Variants in ESRRG observed in about 807,000 individuals in gnomAD.
The protein encoded by ESRRG is estrogen-related receptor gamma.
A neutral mutation model predicts 44.0 loss-of-function variants in ESRRG; 13 were observed. The ratio of observed to expected loss-of-function variants is 0.30; its 90% CI spans 0.19 to 0.47. ESRRG has a LOEUF of 0.47. Ranked by LOEUF, ESRRG falls within the 20% of genes least tolerant of loss-of-function variation. The pLI, the probability that ESRRG is intolerant of heterozygous loss-of-function variation, is 1.00. For synonymous variants in ESRRG, 215 were observed against 214.6 expected (o/e 1.00, Z -0.02); for missense variants, 395 against 580.6 (o/e 0.68, Z 3.29).
chr1:217,017,397 T>C (rs142783410), intron 1 of ESRRG, among the ~76,000 whole-genome samples: 70 of 148,510 alleles, frequency 4.7e-4, no homozygotes, highest in African/African-American at 1.7e-3. Context: ...CAGGATCATA[T>C]CTGAGTCACA....
intron 2 of ESRRG, among the ~76,000 whole-genome samples, chr1:216,821,871 AGT>A (rs1183347566): frequency 6.6e-6 from 1 of 151,976 alleles, no homozygotes; most frequent in East Asian, 1.9e-4. Context: ...ATTATAGTGC[AGT>A]GTCACACAAC....
At chr1:216,684,045 A>G (rs10779276) in intron 1 of ESRRG, among the ~76,000 whole-genome samples, 33,158 of 152,094 alleles carry the variant, frequency 0.22, 3,823 homozygotes, top group Middle Eastern at 0.28. Context: ...AATATGGCAA[A>G]AGAAATGCAC....
chr1:216,654,250 G>C (rs2069820730), intron 2 of ESRRG, among the ~76,000 whole-genome samples: 1 of 152,070 alleles, frequency 6.6e-6, no homozygotes, highest in Non-Finnish European at 1.5e-5. Flanking sequence ...ATAATGCAGT[G>C]TCACAGGATC....
intron 1 of ESRRG, among the ~76,000 whole-genome samples, chr1:217,108,374 A>G (rs1457576476): frequency 6.6e-6 from 1 of 152,140 alleles, no homozygotes; most frequent in Non-Finnish European, 1.5e-5. Context: ...GCTTTGCTGC[A>G]TACTTGTGGG....
chr1:216,575,348 A>G (rs1469757258), intron 3 of ESRRG, among the ~76,000 whole-genome samples: 1 of 152,096 alleles, frequency 6.6e-6, no homozygotes, highest in Non-Finnish European at 1.5e-5. Flanking sequence ...AATATGGTTC[A>G]TTATTTAGCC....
At chr1:216,719,573 T>G (rs1238442977) in intron 1 of ESRRG, among the ~76,000 whole-genome samples, 1 of 152,080 alleles carries the variant, frequency 6.6e-6, no homozygotes, top group Non-Finnish European at 1.5e-5. Flanking sequence ...CTCCTGCTTC[T>G]ATTAGCATTT....
intron 2 of ESRRG, among the ~76,000 whole-genome samples, chr1:216,782,947 C>T (rs2147919559): frequency 6.6e-6 from 1 of 152,112 alleles, no homozygotes; most frequent in Non-Finnish European, 1.5e-5. Flanking sequence ...ATACTGTTCT[C>T]CTTCTCTTAA....
intron 2 of ESRRG, among the ~76,000 whole-genome samples, chr1:216,912,263 G>GGA (rs2060555516): frequency 2.0e-5 from 1 of 51,262 alleles, no homozygotes; most frequent in Non-Finnish European, 4.7e-5. Context: ...GAGGAGAGGA[G>GGA]AGGGGAGGGG....
chr1:216,760,150 AG>A, intron 2 of ESRRG, among the ~76,000 whole-genome samples: 1 of 152,126 alleles, frequency 6.6e-6, no homozygotes, highest in African/African-American at 2.4e-5. Context: ...CCCCAGCGCA[AG>A]GGACCATGCC....
chr1:216,755,158 T>C (rs1282832558), intron 2 of ESRRG, among the ~76,000 whole-genome samples: 2 of 152,076 alleles, frequency 1.3e-5, no homozygotes, highest in East Asian at 3.9e-4. Flanking sequence ...GAATAAGATA[T>C]TTTAAATAAA....
intron 5 of ESRRG, among the ~76,000 whole-genome samples, chr1:216,542,065 T>C (rs1572621686): frequency 7.5e-6 from 1 of 133,582 alleles, no homozygotes; most frequent in African/African-American, 2.9e-5. Context: ...AAGGTGTGTG[T>C]CTATGACAGA....
intron 2 of ESRRG, among the ~76,000 whole-genome samples, chr1:216,896,607 C>A (rs1346056845): frequency 6.6e-6 from 1 of 152,044 alleles, no homozygotes; most frequent in Admixed American, 6.6e-5. Flanking sequence ...CATGTTTATT[C>A]GATTTGTTTG....
chr1:217,043,727 A>T (rs761045079), intron 1 of ESRRG, among the ~76,000 whole-genome samples: 2 of 152,326 alleles, frequency 1.3e-5, no homozygotes, highest in Admixed American at 6.5e-5. Flanking sequence ...ACTAAAAAAA[A>T]GTGTTAATGT....
At chr1:217,095,945 T>C (rs1056306599) in intron 1 of ESRRG, among the ~76,000 whole-genome samples, 4 of 152,218 alleles carry the variant, frequency 2.6e-5, no homozygotes, top group Non-Finnish European at 4.4e-5. Flanking sequence ...AAGAAATTTA[T>C]TTGGGAATCA....
At chr1:216,830,871 C>T (rs149720429) in intron 2 of ESRRG, among the ~76,000 whole-genome samples, 8 of 152,220 alleles carry the variant, frequency 5.3e-5, no homozygotes, top group Admixed American at 5.2e-4. Context: ...AAATAATGTG[C>T]TAATGGAATG....
intron 2 of ESRRG, among the ~76,000 whole-genome samples, chr1:216,744,537 C>A (rs575882609): frequency 1.3e-5 from 2 of 152,010 alleles, no homozygotes; most frequent in African/African-American, 4.8e-5. Context: ...TAAAAGCAAA[C>A]GTCCAACGAT....
At chr1:216,779,461 T>A in intron 2 of ESRRG, among the ~76,000 whole-genome samples, 1 of 83,814 alleles carries the variant, frequency 1.2e-5, no homozygotes, top group African/African-American at 4.8e-5. Flanking sequence ...TAAATATAAA[T>A]ATAAATATAT....
chr1:217,059,721 A>G (rs566059653), intron 1 of ESRRG, among the ~76,000 whole-genome samples: 1 of 152,236 alleles, frequency 6.6e-6, no homozygotes, highest in South Asian at 2.1e-4. Flanking sequence ...AATTTGCAGG[A>G]AATACAGGGG....
intron 1 of ESRRG, among the ~76,000 whole-genome samples, chr1:217,034,925 T>C (rs1200931513): frequency 2.0e-5 from 3 of 152,168 alleles, no homozygotes; most frequent in African/African-American, 7.2e-5. Context: ...TGGAAAAACA[T>C]GGAAAATAAC....
Sources: allele counts gnomAD v4.1 joint callset (sites outside exome capture counted in the v4.1 genomes callset), GRCh38; gene constraint gnomAD v4.1.1; transcripts MANE v1.5; gene names NCBI Gene and HGNC (gene_info 2026-07-23, HGNC 2026-07-21).